MGLL: variants seen among roughly 807,000 people sequenced by gnomAD.
The protein encoded by MGLL is lysophospholipase homolog.
Under a neutral mutation model 29.1 loss-of-function variants are expected in MGLL, and 7 were observed. The observed-to-expected ratio is 0.24, with a 90% CI of 0.14 to 0.45. The LOEUF (loss-of-function observed/expected upper bound fraction) is 0.45. MGLL is among the 20% of genes least tolerant of loss of function. MGLL has a pLI of 0.99. For missense variants in MGLL, 356 were observed against 413.6 expected (o/e 0.86, Z 1.21); for synonymous variants, 148 against 168.3 (o/e 0.88, Z 0.93).
intron 3 of MGLL, among the ~76,000 whole-genome samples, chr3:127,778,218 C>T (rs1239834967): frequency 6.6e-6 from 1 of 152,226 alleles, no homozygotes; most frequent in Non-Finnish European, 1.5e-5. Flanking sequence ...GTGAAACCAC[C>T]ATAGGCAGCT....
intron 3 of MGLL, among the ~76,000 whole-genome samples, chr3:127,767,048 G>A (rs570959807): frequency 2.5e-4 from 38 of 150,996 alleles, no homozygotes; most frequent in East Asian, 2.0e-3. Context: ...ACTCCAGCCC[G>A]AGTGATGGAG....
At chr3:127,694,058 G>C (rs1009971235) in intron 7 of MGLL, among the ~76,000 whole-genome samples, 5 of 151,946 alleles carry the variant, frequency 3.3e-5, no homozygotes, top group African/African-American at 1.2e-4. Flanking sequence ...GATCACCTGA[G>C]GTCAGGAGTG....
chr3:127,790,816 T>C (rs1420005508), intron 2 of MGLL, among the ~76,000 whole-genome samples: 1 of 152,162 alleles, frequency 6.6e-6, no homozygotes, highest in African/African-American at 2.4e-5. Context: ...CCTACTGAAG[T>C]CCAGCCAGCC....
intron 3 of MGLL, among the ~76,000 whole-genome samples, chr3:127,773,917 CA>C (rs2076990243): frequency 6.6e-6 from 1 of 152,202 alleles, no homozygotes; most frequent in Non-Finnish European, 1.5e-5. Flanking sequence ...ACACAGCACA[CA>C]GCAAGTCCCT....
chr3:127,809,921 T>A (rs1276904242), intron 2 of MGLL, among the ~76,000 whole-genome samples: 2 of 152,042 alleles, frequency 1.3e-5, no homozygotes, highest in Admixed American at 1.3e-4. Context: ...AGTACGGATG[T>A]GAAAGGGTGA....
intron 3 of MGLL, among the ~76,000 whole-genome samples, chr3:127,728,849 G>A (rs981399439): frequency 1.3e-5 from 2 of 152,122 alleles, no homozygotes; most frequent in Admixed American, 6.5e-5. Flanking sequence ...AGTGAGATGC[G>A]GGAGAGGGCC....
chr3:127,799,510 C>T (rs977301456), intron 2 of MGLL: 2 of 152,166 alleles, frequency 1.3e-5, no homozygotes, highest in African/African-American at 4.8e-5. Flanking sequence ...ATTACGCACA[C>T]GAACAGCATT....
At chr3:127,805,927 T>C (rs950975915) in intron 2 of MGLL, among the ~76,000 whole-genome samples, 22 of 152,146 alleles carry the variant, frequency 1.4e-4, no homozygotes, top group Admixed American at 1.4e-3. Context: ...AAATAAAAAG[T>C]GGTTACAAAA....
chr3:127,812,618 G>A (rs2077683307), intron 2 of MGLL, among the ~76,000 whole-genome samples: 1 of 152,196 alleles, frequency 6.6e-6, no homozygotes, highest in Non-Finnish European at 1.5e-5. Flanking sequence ...GGGAAGTAAG[G>A]GGTAACGGTG....
At chr3:127,822,225 AAC>A in intron 1 of MGLL, 82 bp downstream of exon 1, 1 of 1,469,994 alleles carries the variant, frequency 6.8e-7, no homozygotes, top group Non-Finnish European at 9.5e-7. Context: ...ATCTCCAAGG[AAC>A]AGTTTCAAGT....
At chr3:127,708,312 G>C (rs572724718) in intron 6 of MGLL, among the ~76,000 whole-genome samples, 1 of 152,154 alleles carries the variant, frequency 6.6e-6, no homozygotes, top group Non-Finnish European at 1.5e-5. Flanking sequence ...GGGGCTGACC[G>C]GCCACCTCCC....
intron 3 of MGLL, among the ~76,000 whole-genome samples, chr3:127,767,082 CAAAA>C (rs2076871807): frequency 1.2e-4 from 14 of 116,260 alleles, no homozygotes; most frequent in Non-Finnish European, 1.9e-4. Flanking sequence ...AAAAAAAAAA[CAAAA>C]AAACAAAAAA....
chr3:127,819,445 G>T (rs939497754), intron 2 of MGLL, among the ~76,000 whole-genome samples: 4 of 152,210 alleles, frequency 2.6e-5, no homozygotes, highest in African/African-American at 9.6e-5. Context: ...CAGAGGCGGG[G>T]CTGGAGATGA....
intron 3 of MGLL, among the ~76,000 whole-genome samples, chr3:127,766,577 C>A (rs72973723): frequency 0.019 from 2,828 of 152,216 alleles, 86 homozygotes; most frequent in African/African-American, 0.064. Context: ...CAGGGGCACT[C>A]TTATAAAGGG....
At position 127,692,165 on chromosome 3, in the gene MGLL, C is replaced by G. The variant is rs776834732; in HGVS notation, c.*33G>C. 3 of 1,610,640 alleles carry G rather than the reference C, an allele frequency of 1.9e-6. No homozygotes were observed. Among genetic ancestry groups the G allele is most frequent in the Non-Finnish European group, 8.5e-7 (1 of 1,179,234 alleles). The stretch of plus-strand genomic sequence containing the variant: ...CTCTGCCCTTCCCCTGCCTGCATCC[C>G]CCAGACCATGAGCCGGGCACCGGCC... On this transcript the variant is annotated 3_prime_UTR_variant, in exon 8 of 8. Coordinates refer to ENST00000265052, the MANE Select transcript of MGLL (RefSeq NM_007283.7).
At chr3:127,805,507 C>T (rs1576312350) in intron 2 of MGLL, among the ~76,000 whole-genome samples, 2 of 152,166 alleles carry the variant, frequency 1.3e-5, no homozygotes, top group South Asian at 4.1e-4. Context: ...AACTGTGGGA[C>T]CTCATCAGAG....
intron 2 of MGLL, among the ~76,000 whole-genome samples, chr3:127,798,889 G>A (rs1458705598): frequency 6.6e-6 from 1 of 152,158 alleles, no homozygotes; most frequent in Non-Finnish European, 1.5e-5. Context: ...ATGAAGTGAG[G>A]TCACAGGTGG....
At chr3:127,796,365 C>T (rs1474174599) in intron 2 of MGLL, among the ~76,000 whole-genome samples, 2 of 152,198 alleles carry the variant, frequency 1.3e-5, no homozygotes, top group Non-Finnish European at 2.9e-5. Context: ...CCCTACAGGA[C>T]TATGTCACCA....
intron 3 of MGLL, among the ~76,000 whole-genome samples, chr3:127,760,699 A>G (rs964298823): frequency 1.3e-5 from 2 of 152,218 alleles, no homozygotes; most frequent in Admixed American, 6.5e-5. Flanking sequence ...CACAGCACTG[A>G]TTGGGGGGCG....
Sources: allele counts gnomAD v4.1 joint callset (sites outside exome capture counted in the v4.1 genomes callset), GRCh38; gene constraint gnomAD v4.1.1; transcripts MANE v1.5; gene names NCBI Gene and HGNC (gene_info 2026-07-23, HGNC 2026-07-21).